CYP4X1: variants seen among roughly 807,000 people sequenced by gnomAD.
The protein encoded by CYP4X1 is cytochrome P450 family 4 subfamily X member 1.
A neutral mutation model predicts 57.9 loss-of-function variants in CYP4X1; 44 were observed. That is an observed-to-expected ratio of 0.76 (90% CI 0.60 to 0.98). CYP4X1 has a LOEUF of 0.98. CYP4X1 is among the 50% of genes least tolerant of loss of function. The probability of loss-of-function intolerance (pLI) is 0.00; values close to 1 mark genes in which losing one functional copy is unlikely to be tolerated. For synonymous variants in CYP4X1, 227 were observed against 228.6 expected, an observed-to-expected ratio of 0.99 and a Z score of 0.06; for missense variants, 532 against 623.9, an observed-to-expected ratio of 0.85 and a Z score of 1.57.
the CYP4X1 span, among the ~76,000 whole-genome samples, chr1:47,012,068 CA>C: frequency 6.6e-6 from 1 of 152,276 alleles, no homozygotes; most frequent in East Asian, 1.9e-4. Flanking sequence ...GGTATATACC[CA>C]AAGGATTATA....
At chr1:46,983,626 G>GACGT in the CYP4X1 span, among the ~76,000 whole-genome samples, 1 of 152,188 alleles carries the variant, frequency 6.6e-6, no homozygotes, top group Admixed American at 6.5e-5. Context: ...CAGAGGCAGG[G>GACGT]ACGTGCATGG....
At chr1:46,975,089 T>A in the CYP4X1 span, among the ~76,000 whole-genome samples, 1 of 152,206 alleles carries the variant, frequency 6.6e-6, no homozygotes, top group African/African-American at 2.4e-5. Flanking sequence ...TTTTAGGTAT[T>A]TTTAAGTGTA....
Position 47,050,198 on chromosome 1 carries a change from G to C in CYP4X1, c.*24G>C. The C allele has an allele frequency of 1.2e-6, 2 of 1,611,592 alleles. No homozygotes were observed. The highest frequency in any genetic ancestry group is 1.7e-6 in the Non-Finnish European group (2 of 1,178,592). ...AGATCTCAGGGTACAATGATTAAAC[G>C]TACTTTGTTTTTCGAAGTTAAATTT... On this transcript the variant is annotated 3_prime_UTR_variant, in exon 12 of 12. Transcript: ENST00000371901.
chr1:46,989,393 A>G, the CYP4X1 span, among the ~76,000 whole-genome samples: 1 of 152,176 alleles, frequency 6.6e-6, no homozygotes, highest in Non-Finnish European at 1.5e-5. Flanking sequence ...GCTCAACAAA[A>G]TAAGAGACAA....
chr1:46,962,887 A>G, the CYP4X1 span, among the ~76,000 whole-genome samples: 1 of 152,150 alleles, frequency 6.6e-6, no homozygotes, highest in Non-Finnish European at 1.5e-5. Context: ...GTGGGAGTCT[A>G]AGTCTCTTTG....
chr1:47,033,289 G>A lies in CYP4X1; in HGVS notation c.413G>A (p.Arg138His), dbSNP rs116257861. The A allele has an allele frequency of 7.6e-4, 1,221 of 1,613,698 alleles. 10 individuals carry two copies. In the South Asian group the frequency reaches 7.8e-3, roughly 10 times the overall value. Residue 138 changes from arginine (R) to histidine (H), a missense_variant, in exon 4 of 12, where the codon CGC becomes CAC. Coordinates refer to ENST00000371901, the MANE Select transcript of CYP4X1 (RefSeq NM_178033.2). ...LDGPKWFQHRRLLTPGFHFNI... is the reference protein window; with the variant it reads ...LDGPKWFQHRHLLTPGFHFNI... ...GGACCCAAGTGGTTCCAGCATCGTCGCCTACTAACTCCTGGATTCCATTTT... is the reference window on the plus strand; with the variant it reads ...GGACCCAAGTGGTTCCAGCATCGTCACCTACTAACTCCTGGATTCCATTTT...
chr1:47,016,798 A>G, the CYP4X1 span, among the ~76,000 whole-genome samples: 1 of 152,220 alleles, frequency 6.6e-6, no homozygotes, highest in Non-Finnish European at 1.5e-5. Context: ...GTTATTGACT[A>G]CAATCACCCT....
chr1:47,012,557 T>C, the CYP4X1 span, among the ~76,000 whole-genome samples: 7 of 148,400 alleles, frequency 4.7e-5, no homozygotes, highest in African/African-American at 1.7e-4. Flanking sequence ...TAAAGTATAA[T>C]AATAAAAAAA....
chr1:46,989,100 A>C, the CYP4X1 span, among the ~76,000 whole-genome samples: 1 of 152,194 alleles, frequency 6.6e-6, no homozygotes, highest in African/African-American at 2.4e-5. Flanking sequence ...GAAGAGAGGA[A>C]GTCAAATTGT....
downstream of CYP4X1, among the ~76,000 whole-genome samples, chr1:47,051,810 T>C (rs868570339): frequency 9.3e-3 from 1,417 of 152,260 alleles, 20 homozygotes; most frequent in African/African-American, 0.032. Context: ...ATTTCCTTGT[T>C]TTTTTCTGGT....
At chr1:46,961,401 A>G in the CYP4X1 span, among the ~76,000 whole-genome samples, 1 of 152,180 alleles carries the variant, frequency 6.6e-6, no homozygotes, top group African/African-American at 2.4e-5. Context: ...GATCCAGCAG[A>G]TGGGGAGACT....
chr1:46,966,272 A>G, the CYP4X1 span, among the ~76,000 whole-genome samples: 423 of 152,128 alleles, frequency 2.8e-3, 4 homozygotes, highest in Non-Finnish European at 4.4e-3. Flanking sequence ...AGGGATATGT[A>G]TGGTTGGATT....
chr1:47,014,712 T>G, the CYP4X1 span, among the ~76,000 whole-genome samples: 1 of 152,234 alleles, frequency 6.6e-6, no homozygotes, highest in East Asian at 1.9e-4. Context: ...TGGATGATCC[T>G]GGTTTCCTTC....
intron 7 of CYP4X1, 140 bp downstream of exon 7, chr1:47,038,906 A>G: frequency 1.7e-6 from 1 of 600,168 alleles, no homozygotes; most frequent in Non-Finnish European, 2.7e-6. Flanking sequence ...GAGCAGCTTC[A>G]TGCAATTTGA....
the CYP4X1 span, among the ~76,000 whole-genome samples, chr1:46,985,415 G>C: frequency 6.6e-6 from 1 of 152,214 alleles, no homozygotes; most frequent in Non-Finnish European, 1.5e-5. Context: ...AGCACCTGGG[G>C]GAAGGGGTGG....
chr1:47,021,849 G>T (rs1223362476), upstream of CYP4X1, among the ~76,000 whole-genome samples: 2 of 152,112 alleles, frequency 1.3e-5, no homozygotes, highest in Non-Finnish European at 2.9e-5. Context: ...CCTGCCAAGA[G>T]AACTCATTAG....
At chr1:47,035,675 T>C in intron 4 of CYP4X1, 131 bp from the exon 5 acceptor site, 1 of 1,334,304 alleles carries the variant, frequency 7.5e-7, no homozygotes, top group Non-Finnish European at 1.0e-6. Flanking sequence ...TTTACTCATG[T>C]GATCTTTGGT....
the CYP4X1 span, among the ~76,000 whole-genome samples, chr1:47,009,682 A>C: frequency 6.6e-6 from 1 of 152,208 alleles, no homozygotes; most frequent in African/African-American, 2.4e-5. Context: ...ATAAAGAAGA[A>C]AAGAGAGAAG....
chr1:46,975,647 G>T, the CYP4X1 span, among the ~76,000 whole-genome samples: 1 of 152,080 alleles, frequency 6.6e-6, no homozygotes, highest in South Asian at 2.1e-4. Flanking sequence ...GTGTCTTGGG[G>T]ATGGCCATCT....
Sources: gnomAD v4.1 joint callset for allele counts (sites outside exome capture counted in the v4.1 genomes callset) on GRCh38, gnomAD v4.1.1 for gene constraint, MANE v1.5 for transcripts, NCBI Gene and HGNC (gene_info 2026-07-23, HGNC 2026-07-21) for gene names.